Variants in RPSA2 observed in about 807,000 individuals in gnomAD.
RPSA2 encodes the protein ribosomal protein SA 2.
the RPSA2 span, among the ~76,000 whole-genome samples, chr19:23,841,883 C>T: frequency 3.3e-5 from 5 of 152,168 alleles, no homozygotes; most frequent in South Asian, 2.1e-4. Flanking sequence ...ATGTTTACCA[C>T]GGCCTATTCT....
At chr19:23,759,813 C>T in the RPSA2 span, among the ~76,000 whole-genome samples, 9 of 151,938 alleles carry the variant, frequency 5.9e-5, no homozygotes, top group East Asian at 1.9e-4. Flanking sequence ...TGAGCCACCG[C>T]GCCCGGCCTA....
At chr19:23,808,004 T>A in the RPSA2 span, 1 of 212,776 alleles carries the variant, frequency 4.7e-6, no homozygotes, top group Non-Finnish European at 1.0e-5. Context: ...TTTTGTAGAA[T>A]GTTTTCTGGT....
the RPSA2 span, among the ~76,000 whole-genome samples, chr19:23,862,084 G>T: frequency 6.6e-6 from 1 of 152,080 alleles, no homozygotes; most frequent in South Asian, 2.1e-4. Context: ...CCTTGAAGAG[G>T]TCCTTCACGT....
the RPSA2 span, among the ~76,000 whole-genome samples, chr19:23,848,228 TC>T: frequency 6.6e-6 from 1 of 152,202 alleles, no homozygotes; most frequent in Non-Finnish European, 1.5e-5. Flanking sequence ...CAATTTATGT[TC>T]CTCTGCCGTG....
At chr19:23,862,843 T>A in the RPSA2 span, among the ~76,000 whole-genome samples, 1 of 151,900 alleles carries the variant, frequency 6.6e-6, no homozygotes, top group Non-Finnish European at 1.5e-5. Context: ...TATTCCCTCA[T>A]CTTAATCTTC....
the RPSA2 span, among the ~76,000 whole-genome samples, chr19:23,824,768 T>C: frequency 6.6e-6 from 1 of 151,564 alleles, no homozygotes; most frequent in African/African-American, 2.4e-5. Context: ...TTGGAAATTC[T>C]TTATTTTCAT....
At chr19:23,865,200 G>A in the RPSA2 span, among the ~76,000 whole-genome samples, 1 of 152,170 alleles carries the variant, frequency 6.6e-6, no homozygotes, top group Non-Finnish European at 1.5e-5. Flanking sequence ...AAAAAGTACT[G>A]GGAATGGGAA....
the RPSA2 span, among the ~76,000 whole-genome samples, chr19:23,801,958 C>T: frequency 1.3e-5 from 2 of 152,046 alleles, no homozygotes; most frequent in African/African-American, 2.4e-5. Flanking sequence ...TGATTGTACT[C>T]GCTGTAACAG....
the RPSA2 span, among the ~76,000 whole-genome samples, chr19:23,778,821 G>T: frequency 6.6e-6 from 1 of 152,018 alleles, no homozygotes; most frequent in African/African-American, 2.4e-5. Context: ...TCATTTGCCT[G>T]GGCCGATCAA....
chr19:23,868,049 C>A, the RPSA2 span, among the ~76,000 whole-genome samples: 101 of 152,160 alleles, frequency 6.6e-4, no homozygotes, highest in African/African-American at 2.1e-3. Context: ...CGGAATTCAC[C>A]GATGTTTGTT....
the RPSA2 span, among the ~76,000 whole-genome samples, chr19:23,860,850 C>G: frequency 6.6e-6 from 1 of 152,086 alleles, no homozygotes; most frequent in Non-Finnish European, 1.5e-5. Flanking sequence ...TAGAAGAAAA[C>G]AGACCCTTAA....
chr19:23,774,907 A>T, the RPSA2 span, among the ~76,000 whole-genome samples: 14 of 152,270 alleles, frequency 9.2e-5, no homozygotes, highest in Admixed American at 4.6e-4. Context: ...TGTTACCCAG[A>T]TGATGTAACT....
At chr19:23,777,000 T>C in the RPSA2 span, among the ~76,000 whole-genome samples, 1 of 152,178 alleles carries the variant, frequency 6.6e-6, no homozygotes, top group Non-Finnish European at 1.5e-5. Flanking sequence ...GATTGTGATA[T>C]ATCGCATGGC....
chr19:23,832,252 C>G, the RPSA2 span: 1 of 447,084 alleles, frequency 2.2e-6, no homozygotes. Context: ...AGCGTTTACC[C>G]AGTTCTCAAC....
the RPSA2 span, among the ~76,000 whole-genome samples, chr19:23,856,685 C>T: frequency 3.9e-5 from 6 of 152,008 alleles, no homozygotes; most frequent in East Asian, 3.9e-4. Flanking sequence ...AATTGTCGGC[C>T]GGTCTGAGAA....
the RPSA2 span, chr19:23,762,853 C>A: frequency 0.99 from 150,915 of 152,342 alleles, 74,770 homozygotes; most frequent in Middle Eastern, 1. Flanking sequence ...AAATGCCCTA[C>A]TGCCGAGCGG....
the RPSA2 span, chr19:23,758,877 G>A: frequency 7.5e-7 from 1 of 1,333,432 alleles, no homozygotes; most frequent in Non-Finnish European, 1.0e-6. Flanking sequence ...CGGAGCTCGG[G>A]CTGAAGGGAG....
the RPSA2 span, among the ~76,000 whole-genome samples, chr19:23,834,011 A>T: frequency 6.6e-6 from 1 of 152,232 alleles, no homozygotes; most frequent in South Asian, 2.1e-4. Context: ...TTATACTAAA[A>T]TATATTTTTG....
the RPSA2 span, among the ~76,000 whole-genome samples, chr19:23,816,444 T>G: frequency 6.6e-6 from 1 of 152,212 alleles, no homozygotes; most frequent in African/African-American, 2.4e-5. Flanking sequence ...AATTTATATT[T>G]AAAACTGCTT....
Sources: gnomAD v4.1 joint callset for allele counts (sites outside exome capture counted in the v4.1 genomes callset) on GRCh38, gnomAD v4.1.1 for gene constraint, MANE v1.5 for transcripts, NCBI Gene and HGNC (gene_info 2026-07-23, HGNC 2026-07-21) for gene names.